The following GRIN2B variants were observed in gnomAD, a reference collection of about 807,000 sequenced individuals.
GRIN2B encodes glutamate receptor ionotropic, NMDA 2B.
In GRIN2B, 5 loss-of-function variants were observed where a neutral mutation model predicts 114.5. The observed-to-expected ratio is 0.04, with a 90% CI of 0.02 to 0.09. The LOEUF (loss-of-function observed/expected upper bound fraction) is 0.09, where lower values mean the gene tolerates loss of function less well. Among genes scored for constraint, GRIN2B ranks in the 10% least tolerant of loss-of-function variants. The probability of loss-of-function intolerance (pLI) is 1.00; values close to 1 mark genes in which losing one functional copy is unlikely to be tolerated. For missense variants in GRIN2B, 1,108 were observed against 1,943.5 expected (o/e 0.57, Z 8.08); for synonymous variants, 787 against 745.1 (o/e 1.06, Z -0.92).
Position 13,736,310 on chromosome 12 carries a change from C to A in GRIN2B, c.1010+17007G>T, listed in dbSNP as rs996012331. Among the ~76,000 whole-genome samples the A allele has an allele frequency of 2.0e-5, 3 of 152,114 alleles. No homozygotes were observed. In the East Asian group the frequency reaches 5.8e-4, roughly 29 times the overall value. On this transcript the variant is annotated intron_variant, in intron 4 of 13. Transcript: ENST00000609686. ...TTAACTATGGTGCCTCTTCCTCTCC[C>A]TTTCTGGTTCTCAAGACAACACCAA...
At chr12:13,709,357 A>T (rs1322278625) in intron 4 of GRIN2B, among the ~76,000 whole-genome samples, 1 of 152,072 alleles carries the variant, frequency 6.6e-6, no homozygotes, top group East Asian at 1.9e-4. Flanking sequence ...GTGATGACAC[A>T]AATGTTCAAA....
intron 4 of GRIN2B, among the ~76,000 whole-genome samples, chr12:13,716,986 C>T (rs1017174850): frequency 6.6e-6 from 1 of 151,656 alleles, no homozygotes; most frequent in Non-Finnish European, 1.5e-5. Context: ...ACGGTCAGTT[C>T]TCAACAGAAG....
At chr12:13,937,212 T>TA (rs1170734782) in intron 2 of GRIN2B, among the ~76,000 whole-genome samples, 12 of 151,724 alleles carry the variant, frequency 7.9e-5, no homozygotes, top group Non-Finnish European at 1.3e-4. Flanking sequence ...GATTTTTTTT[T>TA]AAATGAGATT....
chr12:13,947,439 C>A (rs1208553038), intron 2 of GRIN2B, among the ~76,000 whole-genome samples: 1 of 152,144 alleles, frequency 6.6e-6, no homozygotes, highest in Non-Finnish European at 1.5e-5. Flanking sequence ...ATGAACCAGC[C>A]TTTGCCAGGG....
intron 5 of GRIN2B, among the ~76,000 whole-genome samples, chr12:13,672,874 C>A (rs1950036231): frequency 6.6e-6 from 1 of 152,132 alleles, no homozygotes; most frequent in African/African-American, 2.4e-5. Flanking sequence ...GAAACAACAG[C>A]TACCGTATCA....
intron 2 of GRIN2B, among the ~76,000 whole-genome samples, chr12:13,954,827 A>AAAAAAAAAAAC (rs1284661510): frequency 6.7e-6 from 1 of 148,164 alleles, no homozygotes; most frequent in African/African-American, 2.5e-5. Flanking sequence ...AAAAAAAAAA[A>AAAAAAAAAAAC]AACTTTTTCT....
intron 4 of GRIN2B, among the ~76,000 whole-genome samples, chr12:13,703,500 A>T (rs549324917): frequency 6.6e-6 from 1 of 152,344 alleles, no homozygotes; most frequent in South Asian, 2.1e-4. Flanking sequence ...TCTAGGCATC[A>T]ATATGCAAAT....
At chr12:13,631,384 G>A (rs1949614559) in intron 5 of GRIN2B, among the ~76,000 whole-genome samples, 1 of 151,948 alleles carries the variant, frequency 6.6e-6, no homozygotes, top group Non-Finnish European at 1.5e-5. Flanking sequence ...AAAATATGAG[G>A]GTAAAAACAT....
At chr12:13,644,040 G>C (rs1949742256) in intron 5 of GRIN2B, among the ~76,000 whole-genome samples, 1 of 152,098 alleles carries the variant, frequency 6.6e-6, no homozygotes, top group South Asian at 2.1e-4. Flanking sequence ...CTCCTTCCAT[G>C]AATCACGAAT....
At chr12:13,692,138 T>C (rs1950219564) in intron 4 of GRIN2B, among the ~76,000 whole-genome samples, 1 of 152,152 alleles carries the variant, frequency 6.6e-6, no homozygotes, top group South Asian at 2.1e-4. Flanking sequence ...CTTTCCCAAG[T>C]TTTTTCAGCA....
Position 13,548,191 on chromosome 12 carries a change from T to C in GRIN2B, c.*14592A>G, listed in dbSNP as rs1197457751. Reference sequence around the variant, plus strand: ...GCTCTGGGCTCTAAAATTGAGCTTATCTTCTCTGTCTTTCATAGGATAGCT... The same window carrying C: ...GCTCTGGGCTCTAAAATTGAGCTTACCTTCTCTGTCTTTCATAGGATAGCT... On this transcript the variant is annotated 3_prime_UTR_variant, in exon 14 of 14. Transcript: ENST00000609686. The C allele has an allele frequency of 6.6e-6, 1 of 151,688 alleles. No individual in the cohort carries two copies. 9.4% of individuals were successfully genotyped at this position (151,688 alleles called of 1,614,324 possible).
chr12:13,575,152 A>G (rs2136419840), intron 10 of GRIN2B, among the ~76,000 whole-genome samples: 1 of 152,350 alleles, frequency 6.6e-6, no homozygotes, highest in East Asian at 1.9e-4. Context: ...GAGATTTCTT[A>G]GCTACAACAC....
intron 3 of GRIN2B, among the ~76,000 whole-genome samples, chr12:13,779,739 A>T (rs1341442262): frequency 6.6e-6 from 1 of 152,298 alleles, no homozygotes; most frequent in Non-Finnish European, 1.5e-5. Flanking sequence ...TACCATACTG[A>T]ACACTGCAGT....
chr12:13,703,409 G>A (rs1482532443), intron 4 of GRIN2B, among the ~76,000 whole-genome samples: 1 of 152,084 alleles, frequency 6.6e-6, no homozygotes, highest in Non-Finnish European at 1.5e-5. Flanking sequence ...ATGAAAAAAT[G>A]CAGTTAAGAA....
intron 3 of GRIN2B, among the ~76,000 whole-genome samples, chr12:13,784,647 C>G (rs1459366369): frequency 6.7e-6 from 1 of 149,400 alleles, no homozygotes; most frequent in Non-Finnish European, 1.5e-5. Context: ...TAGTTCCCAG[C>G]TTAGGCCTCC....
At chr12:13,667,526 T>C (rs1022534177) in intron 5 of GRIN2B, among the ~76,000 whole-genome samples, 5 of 152,218 alleles carry the variant, frequency 3.3e-5, no homozygotes, top group African/African-American at 9.6e-5. Context: ...ATTATTTTCA[T>C]ATGAGAACCA....
chr12:13,792,732 G>A (rs973238512), intron 3 of GRIN2B, among the ~76,000 whole-genome samples: 2 of 151,258 alleles, frequency 1.3e-5, no homozygotes, highest in African/African-American at 4.9e-5. Flanking sequence ...GACAGAAGCA[G>A]CAGCCATGCC....
chr12:13,932,742 A>G (rs915035698), intron 2 of GRIN2B, among the ~76,000 whole-genome samples: 1 of 152,164 alleles, frequency 6.6e-6, no homozygotes, highest in Admixed American at 6.5e-5. Flanking sequence ...TCAGTCAAGA[A>G]CCAAAAGGTT....
intron 4 of GRIN2B, among the ~76,000 whole-genome samples, chr12:13,734,570 C>T (rs896529258): frequency 6.6e-6 from 1 of 152,150 alleles, no homozygotes; most frequent in Non-Finnish European, 1.5e-5. Flanking sequence ...TTTTGTACTC[C>T]ACGTGCACAA....
Sources: gnomAD v4.1 joint callset for allele counts (sites outside exome capture counted in the v4.1 genomes callset) on GRCh38, gnomAD v4.1.1 for gene constraint, MANE v1.5 for transcripts, NCBI Gene and HGNC (gene_info 2026-07-23, HGNC 2026-07-21) for gene names.